The following APPL1 variants were observed in gnomAD, a reference collection of about 807,000 sequenced individuals.
APPL1 encodes DCC-interacting protein 13-alpha.
Under a neutral mutation model 106.8 loss-of-function variants are expected in APPL1, and 42 were observed. That is an observed-to-expected ratio of 0.39 (90% CI 0.31 to 0.51). The LOEUF is 0.51. Ranked by LOEUF, APPL1 falls within the 20% of genes least tolerant of loss-of-function variation. The pLI, the probability that APPL1 is intolerant of heterozygous loss-of-function variation, is 0.75. For synonymous variants in APPL1, 263 were observed against 281.8 expected (o/e 0.93, Z 0.67); for missense variants, 769 against 858.2 (o/e 0.90, Z 1.30).
chr3:57,238,322 T>G (rs756462431), intron 4 of APPL1: 17 of 490,370 alleles, frequency 3.5e-5, no homozygotes, highest in Non-Finnish European at 3.6e-5. Flanking sequence ...CAGATGTGCT[T>G]CTTCTATACG....
chr3:57,266,917 G>C (rs572111465), intron 19 of APPL1, among the ~76,000 whole-genome samples: 1 of 152,048 alleles, frequency 6.6e-6, no homozygotes, highest in Non-Finnish European at 1.5e-5. Context: ...AAGTGGCTTC[G>C]TTCCTGGGTT....
At chr3:57,250,138 A>G (rs1029290296) in intron 11 of APPL1, among the ~76,000 whole-genome samples, 12 of 152,260 alleles carry the variant, frequency 7.9e-5, no homozygotes, top group African/African-American at 2.6e-4. Flanking sequence ...ACCATTTAAA[A>G]AATTTCTGTT....
intron 13 of APPL1, 24 bp downstream of exon 13, chr3:57,253,762 C>G (rs2060818267): frequency 3.6e-6 from 5 of 1,375,348 alleles, no homozygotes; most frequent in African/African-American, 1.5e-5. Context: ...TTTATGTTAC[C>G]CAGATCTAGC....
chr3:57,269,859 T>C lies in APPL1; in HGVS notation c.*172T>C. ...TGAACTTGATGACTTAGGTTTGCAT[T>C]GATCTTTTTTCCCCCTTAAACATAA... On this transcript the variant is annotated 3_prime_UTR_variant, in exon 22 of 22. Coordinates refer to ENST00000288266, the MANE Select transcript of APPL1 (RefSeq NM_012096.3). 1 of 725,196 alleles carries C rather than the reference T, an allele frequency of 1.4e-6. No individual in the cohort carries two copies. The highest frequency in any genetic ancestry group is 1.8e-5 in the African/African-American group (1 of 56,192). The allele number at this position is 725,196 out of a possible 1,614,324, so 44.9% of individuals were successfully genotyped here. A position where few individuals can be genotyped will look rare whatever the true frequency, so the allele number is the denominator to read the frequency against.
At chr3:57,267,708 C>T (rs1157275136) in intron 19 of APPL1, 34 bp from the exon 20 acceptor site, 2 of 1,601,972 alleles carry the variant, frequency 1.2e-6, no homozygotes, top group Admixed American at 1.7e-5. Flanking sequence ...GTTGTGAGAA[C>T]TGCCTGAATT....
chr3:57,269,840 T>A lies in APPL1; in HGVS notation c.*153T>A. On this transcript the variant is annotated 3_prime_UTR_variant, in exon 22 of 22. Transcript: ENST00000288266. ...TACATTTTAAAAAAAAGATTGAACT[T>A]GATGACTTAGGTTTGCATTGATCTT... The A allele has an allele frequency of 1.1e-6, 1 of 891,868 alleles. No individual in the cohort carries two copies. The allele number at this position is 891,868 out of a possible 1,614,324, so 55.2% of individuals were successfully genotyped here. A position where few individuals can be genotyped will look rare whatever the true frequency, so the allele number is the denominator to read the frequency against.
In APPL1 at chr3:57,243,808, A is replaced by C. The variant is rs140619366; in HGVS notation, c.474+894A>C. Reference sequence around the variant, plus strand: ...CTGGGTATAAAATTTGATATATTTTACATTACTTCTGGCTGCTCAAAGTAT... The same window carrying C: ...CTGGGTATAAAATTTGATATATTTTCCATTACTTCTGGCTGCTCAAAGTAT... On this transcript the variant is annotated intron_variant, in intron 7 of 21. Transcript: ENST00000288266. 1.2e-3 allele frequency among the ~76,000 whole-genome samples: 185 copies of C among 152,324 alleles called. 1 individual carries two copies. The highest frequency in any genetic ancestry group is 4.3e-3 in the African/African-American group (178 of 41,566).
At chr3:57,261,205 G>A (rs924831165) in intron 19 of APPL1, among the ~76,000 whole-genome samples, 8 of 152,106 alleles carry the variant, frequency 5.3e-5, no homozygotes, top group Non-Finnish European at 1.0e-4. Flanking sequence ...GTGAGAACAT[G>A]TGATATTTGT....
At chr3:57,263,663 C>A (rs538713536) in intron 19 of APPL1, among the ~76,000 whole-genome samples, 1 of 149,028 alleles carries the variant, frequency 6.7e-6, no homozygotes, top group South Asian at 2.1e-4. Context: ...TTTTCTTTAT[C>A]CATGTATCAT....
chr3:57,235,618 A>C lies in APPL1; in HGVS notation c.107A>C (p.Tyr36Ser). 6.2e-7 allele frequency: 1 copy of C among 1,613,616 alleles called. No homozygotes were observed. Among genetic ancestry groups the C allele is most frequent in the South Asian group, 1.1e-5 (1 of 91,006 alleles). The change falls in exon 2 of 22, where the codon TAT (tyrosine) becomes TCT (serine). Residue 36 changes from tyrosine to serine, a missense_variant. Coordinates refer to ENST00000288266, the MANE Select transcript of APPL1 (RefSeq NM_012096.3). ...GAAGATGCCACAGCTATTTCCAACT[A>C]TATGAACCAGTTGTATCAAGCTATG... ...FEEDATAISNYMNQLYQAMHR... is the reference protein window; with the variant it reads ...FEEDATAISNSMNQLYQAMHR...
intron 19 of APPL1, 44 bp from the exon 20 acceptor site, chr3:57,267,698 G>C (rs2060902299): frequency 1.3e-6 from 2 of 1,574,126 alleles, no homozygotes; most frequent in African/African-American, 1.4e-5. Context: ...TTTTTGCTTT[G>C]TTGTGAGAAC....
rs142584130 is a variant in APPL1, at chr3:57,247,970, C to T, written c.705-223C>T. Among the ~76,000 whole-genome samples the T allele has an allele frequency of 1.1e-3, 172 of 152,162 alleles. 1 individual carries two copies. Among genetic ancestry groups the T allele is most frequent in the African/African-American group, 3.6e-3 (150 of 41,530 alleles). ...GAAAATTACGCCAAAATCAGGCATT[C>T]GGGGGGCTTCATTTGTTTTTTGAAT... On this transcript the variant is annotated intron_variant, in intron 9 of 21. Transcript: ENST00000288266.
chr3:57,229,128 A>G (rs567891487), intron 1 of APPL1, among the ~76,000 whole-genome samples: 4 of 152,178 alleles, frequency 2.6e-5, no homozygotes, highest in African/African-American at 7.2e-5. Flanking sequence ...AAAAAGAGAA[A>G]CTCACATTTG....
intron 20 of APPL1, 145 bp from the exon 21 acceptor site, chr3:57,268,253 A>T: frequency 1.3e-6 from 1 of 776,712 alleles, no homozygotes. Flanking sequence ...ATAATTGTTT[A>T]CCATTGAATA....
chr3:57,229,698 GC>G (rs2060676029), intron 1 of APPL1, among the ~76,000 whole-genome samples: 3 of 121,794 alleles, frequency 2.5e-5, no homozygotes, highest in South Asian at 2.6e-4. Flanking sequence ...CACTGTGCCA[GC>G]TTTTTTTTTT....
intron 15 of APPL1, 88 bp downstream of exon 15, chr3:57,257,516 A>G (rs2060843731): frequency 1.8e-6 from 2 of 1,127,770 alleles, no homozygotes; most frequent in Non-Finnish European, 2.5e-6. Flanking sequence ...TCTTATTTAT[A>G]ATGTATATCA....
chr3:57,267,568 A>G (rs549648752), intron 19 of APPL1, among the ~76,000 whole-genome samples, 174 bp from the exon 20 acceptor site: 1 of 152,358 alleles, frequency 6.6e-6, no homozygotes, highest in African/African-American at 2.4e-5. Context: ...TGTAGACTTC[A>G]AGGAAAACAT....
At chr3:57,260,598 C>T (rs2060859750) in intron 18 of APPL1, 30 bp from the exon 19 acceptor site, 6 of 1,588,084 alleles carry the variant, frequency 3.8e-6, no homozygotes, top group African/African-American at 1.3e-5. Flanking sequence ...TGTAAGATCT[C>T]ATGTTTGCTT....
chr3:57,239,491 A>T (rs904684447), intron 4 of APPL1, among the ~76,000 whole-genome samples: 3 of 152,306 alleles, frequency 2.0e-5, no homozygotes, highest in Admixed American at 2.0e-4. Context: ...ATAAAATTTC[A>T]TTGTTATGGA....
Sources: gnomAD v4.1 joint callset for allele counts (sites outside exome capture counted in the v4.1 genomes callset) on GRCh38, gnomAD v4.1.1 for gene constraint, MANE v1.5 for transcripts, NCBI Gene and HGNC (gene_info 2026-07-23, HGNC 2026-07-21) for gene names.